Variants in MAP2K1 observed in about 807,000 individuals in gnomAD.
The protein encoded by MAP2K1 is mitogen-activated protein kinase kinase 1.
Under a neutral mutation model 46.3 loss-of-function variants are expected in MAP2K1, and 16 were observed. That is an observed-to-expected ratio of 0.35 (90% CI 0.23 to 0.52). MAP2K1 has a LOEUF of 0.52. MAP2K1 is among the 20% of genes least tolerant of loss of function. MAP2K1 has a pLI of 0.94. For missense variants in MAP2K1, 263 were observed against 497.1 expected (o/e 0.53, Z 4.48); for synonymous variants, 183 against 185.6 (o/e 0.99, Z 0.11).
At chr15:66,414,837 A>T in intron 1 of MAP2K1, 1 of 232,954 alleles carries the variant, frequency 4.3e-6, no homozygotes. Context: ...TCCCATTAGG[A>T]TATGAAAGGA....
intron 1 of MAP2K1, among the ~76,000 whole-genome samples, chr15:66,413,912 T>TTC (rs1321328819): frequency 8.3e-4 from 1 of 1,202 alleles, no homozygotes; most frequent in African/African-American, 9.2e-4. Flanking sequence ...CTTCTTCTTC[T>TTC]TTTTTTTTTT....
At chr15:66,409,050 A>G (rs545917334) in intron 1 of MAP2K1, among the ~76,000 whole-genome samples, 82 of 152,274 alleles carry the variant, frequency 5.4e-4, no homozygotes, top group African/African-American at 1.9e-3. Context: ...TTGGCACAGG[A>G]GGGTCACAGT....
At chr15:66,489,054 A>G in intron 8 of MAP2K1, 161 bp from the exon 9 acceptor site, 2 of 687,958 alleles carry the variant, frequency 2.9e-6, no homozygotes, top group Non-Finnish European at 5.3e-6. Context: ...CTGGCCTTCT[A>G]CCTGTGCCTT....
intron 3 of MAP2K1, among the ~76,000 whole-genome samples, chr15:66,442,384 T>C (rs2093506732): frequency 6.6e-6 from 1 of 152,222 alleles, no homozygotes; most frequent in Non-Finnish European, 1.5e-5. Flanking sequence ...TTTGATCTTA[T>C]TGCAGTGCTC....
At chr15:66,431,532 C>T (rs1279413448) in intron 1 of MAP2K1, among the ~76,000 whole-genome samples, 2 of 152,192 alleles carry the variant, frequency 1.3e-5, no homozygotes, top group African/African-American at 4.8e-5. Flanking sequence ...TTGGCCTCTC[C>T]TGCCTTTTCT....
chr15:66,392,674 C>T (rs978193073), intron 1 of MAP2K1, among the ~76,000 whole-genome samples: 21 of 151,718 alleles, frequency 1.4e-4, no homozygotes, highest in Non-Finnish European at 2.8e-4. Context: ...CTGCCTCAGC[C>T]TCCTGAGTAG....
intron 5 of MAP2K1, among the ~76,000 whole-genome samples, chr15:66,477,017 C>T (rs1269754266): frequency 6.6e-6 from 1 of 152,142 alleles, no homozygotes; most frequent in African/African-American, 2.4e-5. Flanking sequence ...CCCAGGTTTC[C>T]AGGTGGCTTC....
chr15:66,425,724 G>A (rs2093456454), intron 1 of MAP2K1, among the ~76,000 whole-genome samples: 1 of 152,206 alleles, frequency 6.6e-6, no homozygotes, highest in Non-Finnish European at 1.5e-5. Context: ...TAGTTCAACA[G>A]TGAGAAAGCC....
chr15:66,420,906 T>C lies in MAP2K1; in HGVS notation c.81-14121T>C, dbSNP rs529028989. ...ATGTGTATATATACACATACATACA[T>C]ACACACACATACATACATATATATA... On this transcript the variant is annotated intron_variant, in intron 1 of 10. Transcript: ENST00000307102. Among the ~76,000 whole-genome samples the C allele has an allele frequency of 6.2e-4, 79 of 126,908 alleles. 5 individuals are homozygous for C. The highest frequency in any genetic ancestry group is 1.3e-3 in the East Asian group (5 of 3,764). The allele number at this position is 126,908 out of a possible 152,430, so 83.3% of individuals were successfully genotyped here. A position where few individuals can be genotyped will look rare whatever the true frequency, so the allele number is the denominator to read the frequency against.
intron 1 of MAP2K1, among the ~76,000 whole-genome samples, chr15:66,408,076 C>A (rs775210984): frequency 1.3e-5 from 2 of 152,220 alleles, no homozygotes; most frequent in Non-Finnish European, 2.9e-5. Context: ...GTTCCCACAT[C>A]TGTAAAATGG....
At chr15:66,398,290 C>T (rs376578070) in intron 1 of MAP2K1, among the ~76,000 whole-genome samples, 2 of 151,874 alleles carry the variant, frequency 1.3e-5, no homozygotes, top group African/African-American at 2.4e-5. Flanking sequence ...GTGGTGCGTG[C>T]GTGTAGTCCC....
At chr15:66,403,839 A>T (rs970375864) in intron 1 of MAP2K1, among the ~76,000 whole-genome samples, 5 of 152,180 alleles carry the variant, frequency 3.3e-5, no homozygotes, top group African/African-American at 1.2e-4. Context: ...CAGAGTCAGA[A>T]TTATTTGCCC....
chr15:66,425,343 G>C (rs974727427), intron 1 of MAP2K1, among the ~76,000 whole-genome samples: 9 of 152,090 alleles, frequency 5.9e-5, no homozygotes, highest in East Asian at 3.8e-4. Context: ...ACAGTTATTC[G>C]TTTGCATGGT....
intron 1 of MAP2K1, among the ~76,000 whole-genome samples, chr15:66,414,005 C>T (rs1163222822): frequency 7.2e-6 from 1 of 138,584 alleles, no homozygotes; most frequent in Non-Finnish European, 1.5e-5. Flanking sequence ...CCTCTGCATT[C>T]GTGGCTCTTA....
chr15:66,489,085 G>GT, intron 8 of MAP2K1, 130 bp from the exon 9 acceptor site: 1 of 754,322 alleles, frequency 1.3e-6, no homozygotes, highest in South Asian at 1.4e-5. Context: ...GATGAGAGTA[G>GT]TACTGCCTTT....
chr15:66,434,961 A>G (rs913938350), intron 1 of MAP2K1, 66 bp from the exon 2 acceptor site: 19 of 1,022,184 alleles, frequency 1.9e-5, no homozygotes, highest in Non-Finnish European at 2.6e-5. Context: ...TTTCCATGAT[A>G]GGAGTACTTC....
intron 1 of MAP2K1, among the ~76,000 whole-genome samples, chr15:66,394,524 G>A (rs571407820): frequency 2.7e-5 from 4 of 147,298 alleles, no homozygotes; most frequent in African/African-American, 5.0e-5. Context: ...GAGTGCATTG[G>A]TGCTCACTAT....
intron 1 of MAP2K1, among the ~76,000 whole-genome samples, chr15:66,408,914 C>T (rs2093404672): frequency 1.3e-5 from 2 of 152,340 alleles, no homozygotes; most frequent in East Asian, 1.9e-4. Context: ...TTCCATCACA[C>T]TTCAGTTACT....
chr15:66,428,492 A>G (rs1269289312), intron 1 of MAP2K1, among the ~76,000 whole-genome samples: 4 of 152,078 alleles, frequency 2.6e-5, no homozygotes, highest in African/African-American at 9.7e-5. Flanking sequence ...TCTTTTGGGC[A>G]GGTCAGTCTT....
Sources: allele counts gnomAD v4.1 joint callset (sites outside exome capture counted in the v4.1 genomes callset), GRCh38; gene constraint gnomAD v4.1.1; transcripts MANE v1.5; gene names NCBI Gene and HGNC (gene_info 2026-07-23, HGNC 2026-07-21).